Variants in PRDM2 observed in about 807,000 individuals in gnomAD.
The protein encoded by PRDM2 is PR/SET domain 2.
Under a neutral mutation model 130.0 loss-of-function variants are expected in PRDM2, and 30 were observed. The observed-to-expected ratio is 0.23, with a 90% confidence interval of 0.17 to 0.31. The LOEUF is 0.31. PRDM2 is among the 10% of genes least tolerant of loss of function. PRDM2 has a pLI of 1.00. For missense variants in PRDM2, 2,011 were observed against 2,108.4 expected (o/e 0.95, Z 0.90); for synonymous variants, 871 against 782.4 (o/e 1.11, Z -1.89).
intron 4 of PRDM2, among the ~76,000 whole-genome samples, chr1:13,738,095 A>G: frequency 6.6e-6 from 1 of 152,206 alleles, no homozygotes; most frequent in East Asian, 1.9e-4. Context: ...ACTTTGGTAA[A>G]AAAGTGTTTC....
rs746772114 is a variant in PRDM2 at position 13,779,122 on chromosome 1, A to G, written c.1327A>G (p.Lys443Glu). The G allele has an allele frequency of 5.6e-6, 9 of 1,614,236 alleles. No homozygotes were observed. The highest frequency in any genetic ancestry group is 3.3e-5 in the South Asian group (3 of 91,084). Residue 443 changes from lysine (K) to glutamate (E), a missense_variant, in exon 8 of 10, where the codon AAA becomes GAA. Physicochemically the swap from Lys to Glu is moderately conservative, Grantham distance 56. This residue lies in a region of PRDM2 where 1,288 missense variants were observed against 1,237.7 expected (regional missense o/e 1.04). Transcript: ENST00000311066. The surrounding 1 kb of genome is among the most constrained non-coding windows in gnomAD (Gnocchi z 4.9). ...GKASGENVAS[K>E]DDSSPPSLGP... ...AGCATCTGGAGAAAACGTTGCTTCA[A>G]AAGATGATTCGAGTCCTCCCAGTCT... is the stretch of plus-strand genomic sequence containing the variant.
At chr1:13,799,371 G>C (rs1557667721) in intron 8 of PRDM2, among the ~76,000 whole-genome samples, 1 of 152,010 alleles carries the variant, frequency 6.6e-6, no homozygotes, top group Non-Finnish European at 1.5e-5. Flanking sequence ...CTTGAACCCG[G>C]GAGGCGGAGG....
chr1:13,728,826 C>T (rs987007434), intron 2 of PRDM2, among the ~76,000 whole-genome samples: 1 of 152,038 alleles, frequency 6.6e-6, no homozygotes, highest in Non-Finnish European at 1.5e-5. Context: ...TTCTCGGGCG[C>T]TTCAGAAATT....
rs1352922994 is a variant in PRDM2, at chr1:13,771,558, C to T, written c.512-1520C>T. On this transcript the variant is annotated intron_variant, in intron 6 of 9. Transcript: ENST00000311066. The surrounding 1 kb of genome is among the most constrained non-coding windows in gnomAD (Gnocchi z 4.1). ...CATCCTGGCTAAGATGGTGAAACCCCGTCTCTACTAAAATACGAAAAATTA... is the reference window on the plus strand; with the variant it reads ...CATCCTGGCTAAGATGGTGAAACCCTGTCTCTACTAAAATACGAAAAATTA... Among the ~76,000 whole-genome samples the T allele has an allele frequency of 1.3e-5, 2 of 152,086 alleles. No homozygotes were observed. The highest frequency in any genetic ancestry group is 1.3e-4 in the Admixed American group (2 of 15,268).
At chr1:13,758,318 G>A (rs1291007244) in intron 6 of PRDM2, among the ~76,000 whole-genome samples, 1 of 151,628 alleles carries the variant, frequency 6.6e-6, no homozygotes, top group Admixed American at 6.6e-5. Context: ...GTGGTGGCTG[G>A]AGCCTGTAAT....
At chr1:13,709,894 C>A (rs1004456211) in intron 1 of PRDM2, among the ~76,000 whole-genome samples, 1 of 152,042 alleles carries the variant, frequency 6.6e-6, no homozygotes, top group African/African-American at 2.4e-5. Context: ...GTGTCTATTG[C>A]AAAGTTAATT....
intron 6 of PRDM2, among the ~76,000 whole-genome samples, chr1:13,772,663 T>C (rs749845790): frequency 1.3e-5 from 2 of 152,254 alleles, no homozygotes; most frequent in East Asian, 3.8e-4. Flanking sequence ...CCCCAAGTTA[T>C]AACATACTGT....
intron 8 of PRDM2, among the ~76,000 whole-genome samples, chr1:13,811,196 A>G (rs1042823521): frequency 6.6e-6 from 1 of 152,072 alleles, no homozygotes; most frequent in African/African-American, 2.4e-5. Context: ...AAGAAAAAAA[A>G]AGAGTTTACA....
chr1:13,701,932 T>C (rs1193153463), intron 1 of PRDM2, among the ~76,000 whole-genome samples: 1 of 152,232 alleles, frequency 6.6e-6, no homozygotes, highest in Admixed American at 6.5e-5. Flanking sequence ...TTTTCCTTAT[T>C]TTGTGGACAG....
intron 8 of PRDM2, chr1:13,783,052 T>TAAAGAAGTGGCA: frequency 1.9e-6 from 2 of 1,049,506 alleles, no homozygotes; most frequent in Non-Finnish European, 2.7e-6. Flanking sequence ...CAGTGCCACT[T>TAAAGAAGTGGCA]CTTTAATGTG....
chr1:13,776,215 G>A (rs79900130), intron 7 of PRDM2, among the ~76,000 whole-genome samples: 2,223 of 152,178 alleles, frequency 0.015, 38 homozygotes, highest in South Asian at 0.083. Context: ...GGTAAGGATC[G>A]TGACAGTCTT....
At position 13,781,714 on chromosome 1, in the gene PRDM2, C is replaced by T. The variant is rs752186806; in HGVS notation, c.3919C>T (p.His1307Tyr). The change falls in exon 8 of 10, where the codon CAC becomes TAC. Residue 1307 changes from histidine (H) to tyrosine (Y), a missense_variant. Transcript: ENST00000311066. This position sits in a 1 kb window ranked among gnomAD's most constrained non-coding sequence, Gnocchi z 6.1. ...SFKPPPFQYHHRNPMGIGVTA... is the reference protein window; with the variant it reads ...SFKPPPFQYHYRNPMGIGVTA... ...TAAACCACCTCCATTTCAGTACCAT[C>T]ACCGTAACCCCATGGGGATTGGTGT... The T allele has an allele frequency of 7.4e-6, 12 of 1,614,242 alleles. No individual in the cohort carries two copies. Among genetic ancestry groups the T allele is most frequent in the Admixed American group, 6.7e-5 (4 of 60,038 alleles).
rs1644353813 is a variant in PRDM2, at chr1:13,771,266, C to G, written c.512-1812C>G. On this transcript the variant is annotated intron_variant, in intron 6 of 9. Coordinates refer to ENST00000311066, the MANE Select transcript of PRDM2 (RefSeq NM_001393986.1). This position sits in a 1 kb window ranked among gnomAD's most constrained non-coding sequence, Gnocchi z 4.1. ...GTGTGTTGGTCATCTCCATGCAGATCCTTCACTCTTGTTATCACCAGAGTG... is the reference window on the plus strand; with the variant it reads ...GTGTGTTGGTCATCTCCATGCAGATGCTTCACTCTTGTTATCACCAGAGTG... 6.6e-6 allele frequency among the ~76,000 whole-genome samples: 1 copy of G among 152,150 alleles called. No individual in the cohort carries two copies. The highest frequency in any genetic ancestry group is 2.1e-4 in the South Asian group (1 of 4,832).
chr1:13,793,845 AAGTT>A (rs371905472), intron 8 of PRDM2, among the ~76,000 whole-genome samples: 381 of 152,272 alleles, frequency 2.5e-3, no homozygotes, highest in African/African-American at 6.6e-3. Context: ...GCAAAAAAAA[AAGTT>A]AGTGTTTTAA....
intron 6 of PRDM2, among the ~76,000 whole-genome samples, 177 bp downstream of exon 6, chr1:13,749,664 CCTGCGGTCCCGCTCGGGCCCTGCGATCG>C (rs1184846262): frequency 6.6e-6 from 1 of 151,426 alleles, no homozygotes; most frequent in Admixed American, 6.6e-5. Context: ...CCGCTCCCGC[CCTGCGGTCCCGCTCGGGCCCTGCGATCG>C]CTGCCCTCCC....
At chr1:13,791,705 C>T (rs1644842325) in intron 8 of PRDM2, among the ~76,000 whole-genome samples, 1 of 152,154 alleles carries the variant, frequency 6.6e-6, no homozygotes, top group African/African-American at 2.4e-5. Context: ...TTGAGGAAAC[C>T]ATCATCACTC....
intron 8 of PRDM2, among the ~76,000 whole-genome samples, chr1:13,789,725 A>C (rs951294290): frequency 2.0e-5 from 3 of 152,260 alleles, no homozygotes; most frequent in Admixed American, 2.0e-4. Flanking sequence ...CCATAAAAAA[A>C]ATCATAAAGG....
chr1:13,812,154 G>T (rs1249576949), intron 8 of PRDM2, among the ~76,000 whole-genome samples: 1 of 150,442 alleles, frequency 6.6e-6, no homozygotes. Context: ...GATTGGTGGT[G>T]GGGGGGAGGG....
chr1:13,715,688 G>A, intron 2 of PRDM2, 74 bp downstream of exon 2: 2 of 1,291,942 alleles, frequency 1.5e-6, no homozygotes, highest in Non-Finnish European at 2.1e-6. Flanking sequence ...TTACAAGATA[G>A]TAGCACACAC....
Sources: gnomAD v4.1 joint callset for allele counts (sites outside exome capture counted in the v4.1 genomes callset) on GRCh38, gnomAD v4.1.1 for gene constraint, gnomAD v4.1.1 regional missense constraint, Gnocchi (gnomAD v3.1) non-coding constraint, MANE v1.5 for transcripts, NCBI Gene and HGNC (gene_info 2026-07-23, HGNC 2026-07-21) for gene names.